The following OPCML variants were observed in gnomAD, a reference collection of about 807,000 sequenced individuals.
OPCML encodes the protein opioid binding protein/cell adhesion molecule like.
In OPCML, 13 loss-of-function variants were observed where a neutral mutation model predicts 37.8. The ratio of observed to expected loss-of-function variants is 0.34; its 90% CI spans 0.22 to 0.55. The LOEUF is 0.55. Among genes scored for constraint, OPCML ranks in the 20% least tolerant of loss-of-function variants. The pLI, the probability that OPCML is intolerant of heterozygous loss-of-function variation, is 0.91. For missense variants in OPCML, 341 were observed against 435.6 expected (o/e 0.78, Z 1.93); for synonymous variants, 176 against 168.8 (o/e 1.04, Z -0.33).
chr11:132,479,192 C>T (rs575416494), intron 4 of OPCML, among the ~76,000 whole-genome samples: 28 of 152,192 alleles, frequency 1.8e-4, no homozygotes, highest in South Asian at 1.0e-3. Context: ...CAAAAAAGGG[C>T]GAGGCATTGC....
chr11:132,708,928 A>T (rs535005806), intron 2 of OPCML, among the ~76,000 whole-genome samples: 1 of 152,336 alleles, frequency 6.6e-6, no homozygotes, highest in South Asian at 2.1e-4. Flanking sequence ...GCATATTTAA[A>T]TGGAATGGCC....
intron 1 of OPCML, among the ~76,000 whole-genome samples, chr11:132,962,380 G>T (rs1235650363): frequency 6.6e-6 from 1 of 152,104 alleles, no homozygotes; most frequent in Non-Finnish European, 1.5e-5. Context: ...AGTGTGCCTG[G>T]GAACTCACAT....
intron 1 of OPCML, among the ~76,000 whole-genome samples, chr11:133,086,074 A>C (rs1420613108): frequency 6.6e-6 from 1 of 152,252 alleles, no homozygotes; most frequent in Non-Finnish European, 1.5e-5. Flanking sequence ...ACAGTGCTAG[A>C]GAAAGCCTTT....
intron 3 of OPCML, among the ~76,000 whole-genome samples, chr11:132,543,764 G>GT (rs529315818): frequency 8.6e-5 from 13 of 152,016 alleles, no homozygotes; most frequent in Non-Finnish European, 1.3e-4. Context: ...ATACCGCCAC[G>GT]TTTTTTCCCC....
chr11:133,031,651 C>T (rs937475958), intron 1 of OPCML, among the ~76,000 whole-genome samples: 2 of 151,870 alleles, frequency 1.3e-5, no homozygotes, highest in African/African-American at 4.8e-5. Context: ...TGGGAAGTTG[C>T]CAGGGTGTGA....
At chr11:133,062,858 T>C (rs1223831354) in intron 1 of OPCML, among the ~76,000 whole-genome samples, 1 of 152,218 alleles carries the variant, frequency 6.6e-6, no homozygotes, top group Non-Finnish European at 1.5e-5. Context: ...CACAGCAGCC[T>C]CCCTAGGAAT....
chr11:133,063,562 C>A (rs1427081480), intron 1 of OPCML, among the ~76,000 whole-genome samples: 1 of 132,640 alleles, frequency 7.5e-6, no homozygotes, highest in Non-Finnish European at 1.7e-5. Flanking sequence ...ATTTACAGAG[C>A]TGTTGGTTTT....
intron 4 of OPCML, among the ~76,000 whole-genome samples, chr11:132,465,818 A>G (rs1480363070): frequency 1.3e-5 from 2 of 152,126 alleles, no homozygotes; most frequent in Non-Finnish European, 2.9e-5. Context: ...TTTATGTTTA[A>G]CTCTTTTTGG....
At chr11:133,080,687 T>C (rs1166871752) in intron 1 of OPCML, among the ~76,000 whole-genome samples, 1 of 152,036 alleles carries the variant, frequency 6.6e-6, no homozygotes, top group Non-Finnish European at 1.5e-5. Context: ...CTCATTCTAT[T>C]GAGGAGCCAT....
intron 2 of OPCML, among the ~76,000 whole-genome samples, chr11:132,810,415 C>T (rs1299497686): frequency 6.6e-6 from 1 of 152,076 alleles, no homozygotes; most frequent in Non-Finnish European, 1.5e-5. Context: ...AGATCAGAAG[C>T]AAATACCAGG....
intron 3 of OPCML, among the ~76,000 whole-genome samples, chr11:132,535,421 C>A (rs557146986): frequency 6.6e-6 from 1 of 152,248 alleles, no homozygotes; most frequent in Admixed American, 6.5e-5. Flanking sequence ...CTCATCTCAG[C>A]TGAGAGGCAG....
At chr11:133,378,001 A>G (rs1282382127) in intron 1 of OPCML, among the ~76,000 whole-genome samples, 2 of 152,170 alleles carry the variant, frequency 1.3e-5, no homozygotes, top group Non-Finnish European at 2.9e-5. Flanking sequence ...AATACGCCAT[A>G]TTGAGCTGAA....
intron 3 of OPCML, among the ~76,000 whole-genome samples, chr11:132,610,533 A>G (rs187608659): frequency 6.6e-6 from 1 of 152,180 alleles, no homozygotes; most frequent in East Asian, 1.9e-4. Context: ...GCTGCCGAAG[A>G]GCACTGAGAG....
At chr11:133,020,758 C>A (rs1947435587) in intron 1 of OPCML, among the ~76,000 whole-genome samples, 1 of 151,956 alleles carries the variant, frequency 6.6e-6, no homozygotes, top group Non-Finnish European at 1.5e-5. Context: ...ATTTCATGTT[C>A]AAAAAAATGA....
rs768078871 is a variant in OPCML at position 132,943,097 on chromosome 11, G to T, written c.62-87C>A. 6.2e-7 allele frequency: 1 copy of T among 1,614,016 alleles called. No homozygotes were observed. Among genetic ancestry groups the T allele is most frequent in the Admixed American group, 1.7e-5 (1 of 60,020 alleles). On this transcript the variant is annotated intron_variant, in intron 1 of 7. Coordinates refer to ENST00000524381, the MANE Select transcript of OPCML (RefSeq NM_001012393.5). This position sits in a 1 kb window ranked among gnomAD's most constrained non-coding sequence, Gnocchi z 4.3. Reference sequence around the variant, plus strand: ...CAGGTACCCACAGACCCCCATTCTCGACAGCCACAACTTCCCAGGACTCCG... The same window carrying T: ...CAGGTACCCACAGACCCCCATTCTCTACAGCCACAACTTCCCAGGACTCCG...
chr11:133,099,450 T>C (rs1949054760), intron 1 of OPCML, among the ~76,000 whole-genome samples: 1 of 145,088 alleles, frequency 6.9e-6, no homozygotes, highest in South Asian at 2.1e-4. Flanking sequence ...TTCTTTTTTT[T>C]TTTTTTTTTT....
At chr11:132,969,453 G>A (rs145994106) in intron 1 of OPCML, among the ~76,000 whole-genome samples, 5 of 152,218 alleles carry the variant, frequency 3.3e-5, no homozygotes, top group African/African-American at 1.2e-4. Context: ...TATTAGATGT[G>A]TAGGTCAATT....
At chr11:133,388,586 C>A (rs1047989872) in intron 1 of OPCML, among the ~76,000 whole-genome samples, 2 of 152,124 alleles carry the variant, frequency 1.3e-5, no homozygotes, top group African/African-American at 4.8e-5. Flanking sequence ...GGGTGTTCAG[C>A]CAGGAATGTT....
chr11:133,254,267 G>A (rs1400823707), intron 1 of OPCML, among the ~76,000 whole-genome samples: 3 of 152,158 alleles, frequency 2.0e-5, no homozygotes, highest in African/African-American at 4.8e-5. Context: ...CAGGAAAGGC[G>A]ATGCAGCCCC....
Sources: gnomAD v4.1 joint callset for allele counts (sites outside exome capture counted in the v4.1 genomes callset) on GRCh38, gnomAD v4.1.1 for gene constraint, Gnocchi (gnomAD v3.1) non-coding constraint, MANE v1.5 for transcripts, NCBI Gene and HGNC (gene_info 2026-07-23, HGNC 2026-07-21) for gene names.